The following PIK3CB variants were observed in gnomAD, a reference collection of about 807,000 sequenced individuals.
PIK3CB encodes phosphatidylinositol-4,5-bisphosphate 3-kinase catalytic subunit beta, also known as phosphatidylinositol 4,5-bisphosphate 3-kinase catalytic subunit beta isoform.
A neutral mutation model predicts 136.8 loss-of-function variants in PIK3CB; 39 were observed. The ratio of observed to expected loss-of-function variants is 0.29; its 90% CI spans 0.22 to 0.37. PIK3CB has a LOEUF of 0.37. PIK3CB is among the 10% of genes least tolerant of loss of function. The pLI, the probability that PIK3CB is intolerant of heterozygous loss-of-function variation, is 1.00. For synonymous variants in PIK3CB, 428 were observed against 436.6 expected, an observed-to-expected ratio of 0.98 and a Z score of 0.25; for missense variants, 868 against 1,275.4, an observed-to-expected ratio of 0.68 and a Z score of 4.87.
intron 16 of PIK3CB, among the ~76,000 whole-genome samples, chr3:138,686,584 T>C (rs1447477307): frequency 6.6e-6 from 1 of 152,172 alleles, no homozygotes; most frequent in African/African-American, 2.4e-5. Context: ...TTTACAAGTA[T>C]ATCATTAAAA....
intron 8 of PIK3CB, among the ~76,000 whole-genome samples, chr3:138,717,532 G>GT (rs11443923): frequency 0.5 from 74,731 of 150,920 alleles, 20,655 homozygotes; most frequent in East Asian, 0.98. Flanking sequence ...ATTTTTTGTG[G>GT]TTTTTTTTTA....
At chr3:138,782,491 A>T (rs941620773) in intron 2 of PIK3CB, among the ~76,000 whole-genome samples, 2 of 152,242 alleles carry the variant, frequency 1.3e-5, no homozygotes, top group African/African-American at 2.4e-5. Context: ...GACCTACAGA[A>T]ATATGACAAC....
chr3:138,799,176 C>CTTTTTTT (rs1157343453), intron 1 of PIK3CB, among the ~76,000 whole-genome samples: 1 of 130,968 alleles, frequency 7.6e-6, no homozygotes, highest in Non-Finnish European at 1.6e-5. Context: ...TCAAATCTTA[C>CTTTTTTT]TTTTTTTTTT....
intron 8 of PIK3CB, among the ~76,000 whole-genome samples, chr3:138,722,127 G>C (rs964791749): frequency 1.1e-5 from 1 of 95,122 alleles, no homozygotes; most frequent in African/African-American, 3.8e-5. Context: ...TTGCTACTGG[G>C]TGTTTTTTTT....
At chr3:138,785,661 C>T (rs1205401235) in intron 2 of PIK3CB, among the ~76,000 whole-genome samples, 2 of 151,840 alleles carry the variant, frequency 1.3e-5, no homozygotes, top group African/African-American at 4.8e-5. Context: ...TCTCAAGTAC[C>T]CAGGGACGCA....
intron 1 of PIK3CB, among the ~76,000 whole-genome samples, chr3:138,826,489 G>A (rs1459662002): frequency 6.8e-6 from 1 of 146,026 alleles, no homozygotes; most frequent in East Asian, 2.0e-4. Flanking sequence ...ATGTGTTATG[G>A]ACCATTTGGG....
chr3:138,723,766 T>C (rs1031921987), intron 8 of PIK3CB, among the ~76,000 whole-genome samples: 1 of 152,228 alleles, frequency 6.6e-6, no homozygotes, highest in Non-Finnish European at 1.5e-5. Context: ...AAAAATGTTC[T>C]GTGTTGAATA....
rs1242067235 is a variant in PIK3CB at position 138,802,607 on chromosome 3, G to A, written c.-121-6040C>T. On this transcript the variant is annotated intron_variant, in intron 1 of 23. Coordinates refer to ENST00000674063, the MANE Select transcript of PIK3CB (RefSeq NM_006219.3). ...TATTGTTACTTTAAAAAAAAGTTTT[G>A]ACCTTCCAGAGCTCAGGGACCTCTC... 5.3e-5 allele frequency among the ~76,000 whole-genome samples: 8 copies of A among 151,882 alleles called. No individual in the cohort carries two copies. The East Asian group carries it at 1.2e-3, about 22-fold the overall frequency.
At chr3:138,793,430 A>T (rs2046075292) in intron 2 of PIK3CB, among the ~76,000 whole-genome samples, 1 of 150,354 alleles carries the variant, frequency 6.7e-6, no homozygotes, top group Admixed American at 6.6e-5. Context: ...ACATGGTGAA[A>T]CCCCGTCTCT....
At chr3:138,765,311 C>T (rs527302524) in intron 2 of PIK3CB, among the ~76,000 whole-genome samples, 1 of 151,212 alleles carries the variant, frequency 6.6e-6, no homozygotes, top group South Asian at 2.1e-4. Flanking sequence ...AGCAAGACTC[C>T]ATTTCCAAAA....
intron 7 of PIK3CB, among the ~76,000 whole-genome samples, chr3:138,733,819 A>C (rs2108641618): frequency 6.6e-6 from 1 of 152,242 alleles, no homozygotes; most frequent in East Asian, 1.9e-4. Flanking sequence ...CGGAGCTTGC[A>C]GTGAGCCAAG....
intron 4 of PIK3CB, among the ~76,000 whole-genome samples, chr3:138,747,275 T>G (rs899075990): frequency 2.2e-4 from 33 of 151,160 alleles, no homozygotes; most frequent in African/African-American, 7.3e-4. Context: ...AAGTAGCATT[T>G]TGTATGGGTC....
At chr3:138,729,605 T>C (rs2044925605) in intron 8 of PIK3CB, among the ~76,000 whole-genome samples, 1 of 151,994 alleles carries the variant, frequency 6.6e-6, no homozygotes, top group South Asian at 2.1e-4. Context: ...TTCCCTGCCT[T>C]GGGACTCTAA....
chr3:138,761,588 G>T (rs780760803), intron 2 of PIK3CB, among the ~76,000 whole-genome samples: 3 of 152,100 alleles, frequency 2.0e-5, no homozygotes, highest in Admixed American at 6.6e-5. Flanking sequence ...TGGCCAATAT[G>T]GTGAAACCCC....
intron 4 of PIK3CB, among the ~76,000 whole-genome samples, chr3:138,743,096 GATTC>G (rs1460401113): frequency 6.6e-6 from 1 of 152,034 alleles, no homozygotes; most frequent in African/African-American, 2.4e-5. Context: ...ACACATAAAA[GATTC>G]ATTGTTTTTA....
intron 13 of PIK3CB, among the ~76,000 whole-genome samples, chr3:138,695,391 G>T (rs2044113871): frequency 6.6e-6 from 1 of 152,176 alleles, no homozygotes; most frequent in Admixed American, 6.5e-5. Context: ...TACTGGGAGA[G>T]GTGGCCTGCA....
chr3:138,791,276 G>A (rs1020396362), intron 2 of PIK3CB, among the ~76,000 whole-genome samples: 3 of 151,936 alleles, frequency 2.0e-5, no homozygotes, highest in East Asian at 3.9e-4. Context: ...TCGAGTAGCT[G>A]GGACTACAGG....
chr3:138,678,629 AG>A (rs1266179370), intron 19 of PIK3CB, among the ~76,000 whole-genome samples: 1 of 152,140 alleles, frequency 6.6e-6, no homozygotes, highest in Non-Finnish European at 1.5e-5. Flanking sequence ...TGCTATTTAC[AG>A]GAGACAAATA....
At chr3:138,731,727 G>A (rs1238765779) in intron 8 of PIK3CB, among the ~76,000 whole-genome samples, 1 of 151,716 alleles carries the variant, frequency 6.6e-6, no homozygotes, top group East Asian at 2.0e-4. Flanking sequence ...GCTCACACTT[G>A]TAATCCCAGC....
Sources: allele counts gnomAD v4.1 joint callset (sites outside exome capture counted in the v4.1 genomes callset), GRCh38; gene constraint gnomAD v4.1.1; transcripts MANE v1.5; gene names NCBI Gene and HGNC (gene_info 2026-07-23, HGNC 2026-07-21).